Variants in SRSF1 observed in about 807,000 individuals in gnomAD.
SRSF1 encodes serine/arginine-rich splicing factor 1.
SRSF1 carries 1 observed loss-of-function variant against 25.9 expected under a neutral mutation model. The ratio of observed to expected loss-of-function variants is 0.04; its 90% CI spans 0.01 to 0.18. The LOEUF (loss-of-function observed/expected upper bound fraction) is 0.18, where lower values mean the gene tolerates loss of function less well. SRSF1 is among the 10% of genes least tolerant of loss of function. SRSF1 has a pLI of 1.00. For missense variants in SRSF1, 65 were observed against 350.5 expected, an observed-to-expected ratio of 0.19 and a Z score of 6.50; for synonymous variants, 132 against 126.2, an observed-to-expected ratio of 1.05 and a Z score of -0.31.
chr17:57,999,384 T>C (rs1354528934), downstream of SRSF1, among the ~76,000 whole-genome samples: 1 of 152,192 alleles, frequency 6.6e-6, no homozygotes, highest in Non-Finnish European at 1.5e-5. Context: ...ATGTACAAGG[T>C]AGGCAGAAAA....
downstream of SRSF1, among the ~76,000 whole-genome samples, chr17:57,999,022 G>C (rs1567746328): frequency 6.6e-6 from 1 of 152,138 alleles, no homozygotes; most frequent in African/African-American, 2.4e-5. Context: ...GGGAATGACA[G>C]ATACTAAAAG....
At position 58,003,608 on chromosome 17, in the gene SRSF1, T is replaced by C. The variant is rs1287809467; in HGVS notation, c.*1798A>G. Reference sequence around the variant, plus strand: ...TAAATTTAGAAGTGACTTACTGATTTACTATTTTAAACAAACCCCCCCTTT... The same window carrying C: ...TAAATTTAGAAGTGACTTACTGATTCACTATTTTAAACAAACCCCCCCTTT... On this transcript the variant is annotated 3_prime_UTR_variant, in exon 4 of 4. Coordinates refer to ENST00000258962, the MANE Select transcript of SRSF1 (RefSeq NM_006924.5). The C allele has an allele frequency of 6.6e-6, 1 of 152,292 alleles. No homozygotes were observed. The highest frequency in any genetic ancestry group is 1.5e-5 in the Non-Finnish European group (1 of 68,048). The allele number at this position is 152,292 out of a possible 1,614,324, so 9.4% of individuals were successfully genotyped here.
chr17:57,994,339 A>G, the SRSF1 span: 1 of 152,248 alleles, frequency 6.6e-6, no homozygotes, highest in Non-Finnish European at 1.5e-5. Context: ...AGAAAAGCAC[A>G]TGAAGAGTCC....
In SRSF1 at chr17:58,001,359, T is replaced by C. The variant is rs919015261; in HGVS notation, c.*4047A>G. On this transcript the variant is annotated 3_prime_UTR_variant, in exon 4 of 4. Coordinates refer to ENST00000258962, the MANE Select transcript of SRSF1 (RefSeq NM_006924.5). ...CTGAATATTTACTAAAGCATAAAAC[T>C]TAGGAAAAATCATTTTACGGGGAAT... 2.6e-5 allele frequency among the ~76,000 whole-genome samples: 4 copies of C among 152,132 alleles called. No individual in the cohort carries two copies. Among genetic ancestry groups the C allele is most frequent in the African/African-American group, 9.7e-5 (4 of 41,448 alleles).
At chr17:57,991,936 T>C in the SRSF1 span, 1 of 152,224 alleles carries the variant, frequency 6.6e-6, no homozygotes. Context: ...ATGTAACAAA[T>C]CTACCCATTT....
the SRSF1 span, chr17:57,993,558 T>C: frequency 6.6e-6 from 1 of 152,288 alleles, no homozygotes; most frequent in Non-Finnish European, 1.5e-5. Flanking sequence ...TACCTGCTGC[T>C]GTCCACAAAT....
At position 58,005,636 on chromosome 17, in the gene SRSF1, A is replaced by G. The variant is rs915181765; in HGVS notation, c.553-36T>C. 1 of 1,611,820 alleles carries G rather than the reference A, an allele frequency of 6.2e-7. No homozygotes were observed. Among genetic ancestry groups the G allele is most frequent in the Non-Finnish European group, 8.5e-7 (1 of 1,178,222 alleles). ...GACAGAACTTTCCATTGAAAGATCT[A>G]AGCTTTCATCTATCTTCAGACATGC... On this transcript the variant is annotated intron_variant, in intron 3 of 3. Coordinates refer to ENST00000258962, the MANE Select transcript of SRSF1 (RefSeq NM_006924.5). The surrounding 1 kb of genome is among the most constrained non-coding windows in gnomAD (Gnocchi z 5.2).
chr17:57,989,609 A>ACC, the SRSF1 span: 1 of 398,522 alleles, frequency 2.5e-6, no homozygotes, highest in Non-Finnish European at 4.4e-6. Context: ...CATCCACTAG[A>ACC]CAAGAATACC....
Position 58,005,744 on chromosome 17 carries a change from C to T in SRSF1, c.552+57G>A. On this transcript the variant is annotated intron_variant, in intron 3 of 3. Transcript: ENST00000258962. This position sits in a 1 kb window ranked among gnomAD's most constrained non-coding sequence, Gnocchi z 5.2. ...CCTGAATCCTTACCTTGAAATTCCA[C>T]TGTTAAGACCACTGTATCCAATTCT... 1 of 1,612,754 alleles carries T rather than the reference C, an allele frequency of 6.2e-7. No homozygotes were observed. The highest frequency in any genetic ancestry group is 8.5e-7 in the Non-Finnish European group (1 of 1,179,098).
Position 58,006,997 on chromosome 17 carries a change from G to C in SRSF1, c.141C>G (p.Leu47=). 6.2e-7 allele frequency: 1 copy of C among 1,614,116 alleles called. No individual in the cohort carries two copies. Among genetic ancestry groups the C allele is most frequent in the Non-Finnish European group, 8.5e-7 (1 of 1,180,018 alleles). The change falls in exon 1 of 4, where the codon CTC becomes CTG. Residue 47 remains leucine, a synonymous_variant. Transcript: ENST00000258962. ...AGGGCGGTCCCCCGCGGCGATTCTT[G>C]AGGTCGATGTCGCGGATAGCGCCGT... ...YKYGAIRDID[L]KNRRGGPPFA...
downstream of SRSF1, among the ~76,000 whole-genome samples, chr17:57,997,643 C>A (rs1244101144): frequency 1.3e-5 from 2 of 152,178 alleles, no homozygotes; most frequent in Admixed American, 1.3e-4. Flanking sequence ...CCAGCTTTAA[C>A]ACTTCAGTAA....
At chr17:57,989,392 A>G in the SRSF1 span, 33 of 398,066 alleles carry the variant, frequency 8.3e-5, no homozygotes, top group Non-Finnish European at 1.8e-5. Context: ...GTTTTAGAAA[A>G]AATTCTTCAG....
chr17:57,995,117 T>TA, the SRSF1 span, among the ~76,000 whole-genome samples: 1 of 152,250 alleles, frequency 6.6e-6, no homozygotes, highest in African/African-American at 2.4e-5. Context: ...AACTGATACC[T>TA]AAGAGATAGT....
At chr17:57,997,731 A>T (rs547646726), downstream of SRSF1, among the ~76,000 whole-genome samples, 3 of 152,262 alleles carry the variant, frequency 2.0e-5, no homozygotes, top group Admixed American at 2.0e-4. Flanking sequence ...ATCTTGAAGA[A>T]CTCTATTTGG....
At chr17:57,994,230 C>G in the SRSF1 span, 2 of 152,286 alleles carry the variant, frequency 1.3e-5, no homozygotes, top group African/African-American at 2.4e-5. Context: ...TTTTCCGTGG[C>G]CTCCTACATA....
In SRSF1 at chr17:58,001,885, T is replaced by C. The variant is rs954897896; in HGVS notation, c.*3521A>G. ...CAAATTCAGCCTGTATAACAAGGAA[T>C]ACTGTCTCATTTCAATGTGAGGTTA... On this transcript the variant is annotated 3_prime_UTR_variant, in exon 4 of 4. Transcript: ENST00000258962. Among the ~76,000 whole-genome samples the C allele has an allele frequency of 1.3e-5, 2 of 152,216 alleles. No homozygotes were observed. Among genetic ancestry groups the C allele is most frequent in the South Asian group, 2.1e-4 (1 of 4,834 alleles).
Position 58,005,228 on chromosome 17 carries a change from A to C in SRSF1, c.*178T>G. ...TGTCTATGACATCACTTAAAATACA[A>C]TTTATCAAAGACACGAAGGGAATGT... On this transcript the variant is annotated 3_prime_UTR_variant, in exon 4 of 4. Transcript: ENST00000258962. The surrounding 1 kb of genome is among the most constrained non-coding windows in gnomAD (Gnocchi z 5.2). 1 of 657,976 alleles carries C rather than the reference A, an allele frequency of 1.5e-6. No homozygotes were observed. The allele number at this position is 657,976 out of a possible 1,614,324, so 40.8% of individuals were successfully genotyped here. A position where few individuals can be genotyped will look rare whatever the true frequency, so the allele number is the denominator to read the frequency against.
the SRSF1 span, chr17:57,994,763 T>C: frequency 6.6e-6 from 1 of 152,308 alleles, no homozygotes; most frequent in African/African-American, 2.4e-5. Flanking sequence ...TCATCTTGAA[T>C]ACAAAACAAA....
chr17:57,996,997 T>C (rs1179215949), downstream of SRSF1, among the ~76,000 whole-genome samples: 6 of 152,212 alleles, frequency 3.9e-5, no homozygotes, highest in Admixed American at 2.0e-4. Flanking sequence ...GGAATTCTCA[T>C]TGAGGCAATA....
Sources: allele counts gnomAD v4.1 joint callset (sites outside exome capture counted in the v4.1 genomes callset), GRCh38; gene constraint gnomAD v4.1.1; non-coding constraint Gnocchi (gnomAD v3.1); transcripts MANE v1.5; gene names NCBI Gene and HGNC (gene_info 2026-07-23, HGNC 2026-07-21).